The following COG5 variants were observed in gnomAD, a reference collection of about 807,000 sequenced individuals.
The protein encoded by COG5 is component of oligomeric golgi complex 5.
A neutral mutation model predicts 110.4 loss-of-function variants in COG5; 86 were observed. The observed-to-expected ratio is 0.78, with a 90% CI of 0.65 to 0.93. The LOEUF is 0.93. COG5 is among the 40% of genes least tolerant of loss of function. The pLI is 0.00. For synonymous variants in COG5, 360 were observed against 334.6 expected, an observed-to-expected ratio of 1.08 and a Z score of -0.83; for missense variants, 1,077 against 987.0, an observed-to-expected ratio of 1.09 and a Z score of -1.22.
chr7:107,460,567 G>C (rs776881132), intron 6 of COG5, among the ~76,000 whole-genome samples: 2 of 151,684 alleles, frequency 1.3e-5, no homozygotes, highest in Non-Finnish European at 2.9e-5. Context: ...ATTGATGAAA[G>C]AAACTTTTAC....
intron 6 of COG5, among the ~76,000 whole-genome samples, chr7:107,499,342 C>A (rs1334096495): frequency 6.6e-6 from 1 of 151,862 alleles, no homozygotes; most frequent in Non-Finnish European, 1.5e-5. Flanking sequence ...AAAATCACCA[C>A]ACTAACGTAA....
chr7:107,377,931 C>T (rs528439809), intron 7 of COG5, among the ~76,000 whole-genome samples: 9 of 152,290 alleles, frequency 5.9e-5, no homozygotes, highest in South Asian at 4.1e-4. Flanking sequence ...AAGGGACAGA[C>T]GGCCTCCTCA....
rs1397622235 is a variant in COG5 at position 107,203,221 on chromosome 7, C to A, written c.*295G>T. ...AAGTGGGGACTTTGGGTTTATGTAC[C>A]CATAGGAGGACTTGGTTATGGATGG... On this transcript the variant is annotated 3_prime_UTR_variant, in exon 22 of 22. Transcript: ENST00000297135. The A allele has an allele frequency of 5.7e-5, 24 of 419,628 alleles. No homozygotes were observed. The highest frequency in any genetic ancestry group is 7.1e-4 in the Middle Eastern group (1 of 1,400). The allele number at this position is 419,628 out of a possible 1,614,324, so 26.0% of individuals were successfully genotyped here.
At chr7:107,529,783 T>C (rs1167245703) in intron 5 of COG5, among the ~76,000 whole-genome samples, 1 of 152,236 alleles carries the variant, frequency 6.6e-6, no homozygotes, top group Non-Finnish European at 1.5e-5. Context: ...CTCTGAAATG[T>C]ACCTTGGTCT....
chr7:107,227,294 T>C (rs556529103), intron 19 of COG5, among the ~76,000 whole-genome samples: 78 of 152,292 alleles, frequency 5.1e-4, no homozygotes, highest in Admixed American at 1.4e-3. Flanking sequence ...TATATAGATT[T>C]GAGTGTGTTC....
chr7:107,342,872 T>C (rs59836913), intron 10 of COG5, among the ~76,000 whole-genome samples: 3 of 152,292 alleles, frequency 2.0e-5, no homozygotes, highest in East Asian at 1.9e-4. Context: ...ATTAGGTATA[T>C]ATTCAAAATA....
chr7:107,473,579 T>A (rs1796777099), intron 6 of COG5, among the ~76,000 whole-genome samples: 1 of 151,950 alleles, frequency 6.6e-6, no homozygotes, highest in Non-Finnish European at 1.5e-5. Flanking sequence ...GTCCTGTTCA[T>A]TTGAAATCTC....
intron 7 of COG5, among the ~76,000 whole-genome samples, chr7:107,395,623 C>T (rs962803531): frequency 7.4e-6 from 1 of 134,468 alleles, no homozygotes; most frequent in Admixed American, 8.5e-5. Flanking sequence ...GGCAAGACCT[C>T]GGCTTACTGC....
intron 10 of COG5, among the ~76,000 whole-genome samples, chr7:107,346,353 G>C (rs543231550): frequency 6.6e-6 from 1 of 152,132 alleles, no homozygotes; most frequent in African/African-American, 2.4e-5. Flanking sequence ...GGTTCCTTGA[G>C]GGAAACAACT....
intron 6 of COG5, among the ~76,000 whole-genome samples, chr7:107,523,257 T>A (rs552867837): frequency 6.6e-6 from 1 of 152,292 alleles, no homozygotes; most frequent in Admixed American, 6.5e-5. Flanking sequence ...AAGTCTGTCA[T>A]ATTTTTATGC....
At chr7:107,439,676 A>T (rs1412788997) in intron 6 of COG5, among the ~76,000 whole-genome samples, 1 of 152,180 alleles carries the variant, frequency 6.6e-6, no homozygotes, top group Non-Finnish European at 1.5e-5. Flanking sequence ...AATAGATTAT[A>T]ATCTAATGTA....
chr7:107,448,699 C>T (rs187822027), intron 6 of COG5, among the ~76,000 whole-genome samples: 1 of 152,264 alleles, frequency 6.6e-6, no homozygotes, highest in African/African-American at 2.4e-5. Context: ...CAACATGTCC[C>T]AGAGTACAGT....
chr7:107,562,217 T>C (rs1803865076), intron 1 of COG5, among the ~76,000 whole-genome samples: 1 of 152,152 alleles, frequency 6.6e-6, no homozygotes. Flanking sequence ...ATTTAAACAA[T>C]CACTGTGGAG....
At chr7:107,262,345 A>T (rs751618780) in intron 14 of COG5, among the ~76,000 whole-genome samples, 3 of 152,130 alleles carry the variant, frequency 2.0e-5, no homozygotes, top group African/African-American at 7.2e-5. Flanking sequence ...CAATTTCAGC[A>T]GTGAGTGATA....
chr7:107,259,929 C>T (rs575603528), intron 14 of COG5, among the ~76,000 whole-genome samples: 9 of 152,018 alleles, frequency 5.9e-5, no homozygotes, highest in African/African-American at 2.2e-4. Context: ...CAGGTAATAA[C>T]AAATGCTGGC....
At chr7:107,500,251 A>G (rs1798553566) in intron 6 of COG5, among the ~76,000 whole-genome samples, 2 of 151,292 alleles carry the variant, frequency 1.3e-5, no homozygotes, top group Admixed American at 6.6e-5. Context: ...GGGGGTTTTC[A>G]GGAACTTTTG....
chr7:107,310,134 G>C (rs930178838), intron 11 of COG5, among the ~76,000 whole-genome samples: 1 of 151,964 alleles, frequency 6.6e-6, no homozygotes, highest in Non-Finnish European at 1.5e-5. Context: ...AGCTGCATGT[G>C]CCACTCTCCC....
chr7:107,334,497 A>C (rs750558995), intron 10 of COG5, among the ~76,000 whole-genome samples: 1 of 152,180 alleles, frequency 6.6e-6, no homozygotes, highest in Admixed American at 6.5e-5. Context: ...TAATAATTAA[A>C]ATCTCAAAGG....
intron 5 of COG5, among the ~76,000 whole-genome samples, chr7:107,537,688 T>A (rs1228863534): frequency 6.6e-6 from 1 of 152,004 alleles, no homozygotes. Flanking sequence ...TATACCTATG[T>A]AACAAACCTG....
Sources: allele counts gnomAD v4.1 joint callset (sites outside exome capture counted in the v4.1 genomes callset), GRCh38; gene constraint gnomAD v4.1.1; transcripts MANE v1.5; gene names NCBI Gene and HGNC (gene_info 2026-07-23, HGNC 2026-07-21).